LGR6: variants seen among roughly 807,000 people sequenced by gnomAD.
The protein encoded by LGR6 is leucine rich repeat containing G protein-coupled receptor 6, also known as leucine-rich repeat-containing G protein-coupled receptor 6.
A neutral mutation model predicts 69.4 loss-of-function variants in LGR6; 45 were observed. That is an observed-to-expected ratio of 0.65 (90% CI 0.51 to 0.83). The LOEUF is 0.83. LGR6 is among the 40% of genes least tolerant of loss of function. The pLI is 0.00. For synonymous variants in LGR6, 538 were observed against 555.0 expected (o/e 0.97, Z 0.43); for missense variants, 1,108 against 1,246.7 (o/e 0.89, Z 1.68).
chr1:202,314,894 T>G lies in LGR6; in HGVS notation c.1648+12T>G. ...TAGCCCTACTCCAGGTGAGGTGGTG[T>G]CTGGGGAATGGGGACGAGGGGGAAT... On this transcript the variant is annotated intron_variant, in intron 17 of 17. Coordinates refer to ENST00000367278, the MANE Select transcript of LGR6 (RefSeq NM_001017403.2). 6.2e-7 allele frequency: 1 copy of G among 1,606,628 alleles called. No individual in the cohort carries two copies. Among genetic ancestry groups the G allele is most frequent in the South Asian group, 1.1e-5 (1 of 90,914 alleles).
At chr1:202,277,628 T>C (rs75352263) in intron 5 of LGR6, among the ~76,000 whole-genome samples, 2,509 of 152,206 alleles carry the variant, frequency 0.016, 78 homozygotes, top group African/African-American at 0.057. Context: ...GGAGCAGGCA[T>C]TTATTGAGCC....
At chr1:202,236,601 A>T (rs1571864629) in intron 4 of LGR6, among the ~76,000 whole-genome samples, 1 of 152,228 alleles carries the variant, frequency 6.6e-6, no homozygotes, top group Middle Eastern at 3.4e-3. Flanking sequence ...GGGTGATGTA[A>T]CCCAGCCCAG....
At chr1:202,212,003 G>A (rs967296042) in intron 1 of LGR6, among the ~76,000 whole-genome samples, 1 of 152,104 alleles carries the variant, frequency 6.6e-6, no homozygotes, top group Non-Finnish European at 1.5e-5. Context: ...GTCATAGTTC[G>A]TTCATCCTCA....
At chr1:202,204,781 C>T (rs1210010556) in intron 1 of LGR6, among the ~76,000 whole-genome samples, 1 of 1,042 alleles carries the variant, frequency 9.6e-4, no homozygotes, top group Non-Finnish European at 2.0e-3. Flanking sequence ...CAAACACACA[C>T]ACACACCTCC....
At chr1:202,266,152 GAAT>G (rs1664633821) in intron 4 of LGR6, among the ~76,000 whole-genome samples, 1 of 151,228 alleles carries the variant, frequency 6.6e-6, no homozygotes, top group Non-Finnish European at 1.5e-5. Flanking sequence ...TCTAAAAAAA[GAAT>G]ATTATCCAAA....
At chr1:202,239,897 A>G (rs1307318929) in intron 4 of LGR6, among the ~76,000 whole-genome samples, 1 of 152,220 alleles carries the variant, frequency 6.6e-6, no homozygotes, top group Non-Finnish European at 1.5e-5. Context: ...GAAATGATTT[A>G]ATATACATAA....
rs117077864 is a variant in LGR6 at position 202,262,707 on chromosome 1, C to T, written c.429-13599C>T. Among the ~76,000 whole-genome samples, 6 of 152,284 alleles carry T rather than the reference C, an allele frequency of 3.9e-5. No individual in the cohort carries two copies. In the East Asian group the frequency reaches 1.2e-3, roughly 29 times the overall value. On this transcript the variant is annotated intron_variant, in intron 4 of 17. Coordinates refer to ENST00000367278, the MANE Select transcript of LGR6 (RefSeq NM_001017403.2). ...AAATTCAGTTCTCGTTTCTATCTAT[C>T]TCATATTTATTTCCATAATCTTCGC...
intron 6 of LGR6, among the ~76,000 whole-genome samples, chr1:202,295,149 G>A (rs1019684685): frequency 3.9e-5 from 6 of 152,020 alleles, no homozygotes; most frequent in African/African-American, 2.4e-5. Flanking sequence ...GCAACATGGT[G>A]AAACCCCATC....
intron 4 of LGR6, among the ~76,000 whole-genome samples, chr1:202,255,984 CTAGAACA>C (rs1663737713): frequency 6.6e-6 from 1 of 152,164 alleles, no homozygotes; most frequent in Non-Finnish European, 1.5e-5. Flanking sequence ...ACCAATAAGT[CTAGAACA>C]TTTTTTGTCA....
chr1:202,203,860 T>C (rs199846988), intron 1 of LGR6: 1 of 1,613,346 alleles, frequency 6.2e-7, no homozygotes, highest in African/African-American at 1.3e-5. Flanking sequence ...CAAGTGTCAA[T>C]AATCATCTCT....
intron 1 of LGR6, among the ~76,000 whole-genome samples, chr1:202,213,217 C>T (rs964940544): frequency 6.6e-6 from 1 of 152,182 alleles, no homozygotes; most frequent in African/African-American, 2.4e-5. Context: ...GTAACAGCCC[C>T]GATGTCCAAC....
chr1:202,254,458 C>G (rs4950841), intron 4 of LGR6, among the ~76,000 whole-genome samples: 74,745 of 152,080 alleles, frequency 0.49, 19,291 homozygotes, highest in East Asian at 0.7. Flanking sequence ...TTCCTCCACC[C>G]CTGACCTCAG....
At chr1:202,292,298 T>A (rs532247866) in intron 6 of LGR6, among the ~76,000 whole-genome samples, 7 of 152,196 alleles carry the variant, frequency 4.6e-5, no homozygotes, top group African/African-American at 9.7e-5. Context: ...AGTGTGGGCT[T>A]CAGACTCACA....
intron 4 of LGR6, among the ~76,000 whole-genome samples, chr1:202,255,639 AATTT>A (rs146544394): frequency 6.6e-6 from 1 of 152,324 alleles, no homozygotes; most frequent in East Asian, 1.9e-4. Context: ...CATTGTAGAA[AATTT>A]AGAAAATACA....
At chr1:202,241,026 T>C (rs537704310) in intron 4 of LGR6, among the ~76,000 whole-genome samples, 1 of 152,330 alleles carries the variant, frequency 6.6e-6, no homozygotes, top group East Asian at 1.9e-4. Context: ...CAGGGCCTCT[T>C]CCAAGGTCAG....
intron 6 of LGR6, among the ~76,000 whole-genome samples, chr1:202,294,699 A>G (rs567578615): frequency 2.9e-4 from 44 of 152,184 alleles, no homozygotes; most frequent in Non-Finnish European, 5.3e-4. Flanking sequence ...GTCACACTAT[A>G]TCACTTCCAT....
intron 4 of LGR6, among the ~76,000 whole-genome samples, chr1:202,275,442 C>T (rs1426111939): frequency 1.3e-5 from 2 of 152,194 alleles, no homozygotes; most frequent in Admixed American, 6.5e-5. Context: ...CCTTGTTTTG[C>T]TGGGCTGCTA....
Position 202,227,947 on chromosome 1 carries a change from G to A in LGR6, c.296G>A (p.Gly99Glu), listed in dbSNP as rs763246637. 4 of 1,613,488 alleles carry A rather than the reference G, an allele frequency of 2.5e-6. No homozygotes were observed. Among genetic ancestry groups the A allele is most frequent in the Non-Finnish European group, 3.4e-6 (4 of 1,179,670 alleles). Residue 99 changes from glycine (G) to glutamate (E), a missense_variant, in exon 3 of 18, where the codon GGG (glycine) becomes GAG (glutamate). Gly to Glu is a moderately conservative substitution (Grantham distance 98, BLOSUM62 -2). Coordinates refer to ENST00000367278, the MANE Select transcript of LGR6 (RefSeq NM_001017403.2). ...TCTCTGATTTCCAGGCGTCTCTCTG[G>A]GAACCATCTCTCACACATCCCAGGA... Reference protein sequence around the residue: ...LRFLEELRLSGNHLSHIPGQA... With the variant: ...LRFLEELRLSENHLSHIPGQA...
chr1:202,246,512 GCCTAA>G, intron 4 of LGR6, among the ~76,000 whole-genome samples: 1 of 147,566 alleles, frequency 6.8e-6, no homozygotes, highest in Middle Eastern at 3.4e-3. Flanking sequence ...TGCTTGAAAT[GCCTAA>G]CACAAGAGAT....
Sources: allele counts gnomAD v4.1 joint callset (sites outside exome capture counted in the v4.1 genomes callset), GRCh38; gene constraint gnomAD v4.1.1; transcripts MANE v1.5; gene names NCBI Gene and HGNC (gene_info 2026-07-23, HGNC 2026-07-21).